PRKG1: variants seen among roughly 807,000 people sequenced by gnomAD.
PRKG1 encodes protein kinase cGMP-dependent 1.
Under a neutral mutation model 88.1 loss-of-function variants are expected in PRKG1, and 35 were observed. That is an observed-to-expected ratio of 0.40 (90% CI 0.30 to 0.53). PRKG1 has a LOEUF of 0.53. Ranked by LOEUF, PRKG1 falls within the 20% of genes least tolerant of loss-of-function variation. The probability of loss-of-function intolerance (pLI) is 0.59; values close to 1 mark genes in which losing one functional copy is unlikely to be tolerated. For synonymous variants in PRKG1, 303 were observed against 292.5 expected (o/e 1.04, Z -0.37); for missense variants, 540 against 839.8 (o/e 0.64, Z 4.41).
intron 5 of PRKG1, among the ~76,000 whole-genome samples, chr10:51,930,146 A>C (rs1036706760): frequency 2.0e-5 from 3 of 152,202 alleles, no homozygotes; most frequent in Non-Finnish European, 2.9e-5. Context: ...CTGGTTACTA[A>C]AACTGTATGA....
At chr10:51,673,096 A>G (rs1840624923) in intron 3 of PRKG1, among the ~76,000 whole-genome samples, 1 of 152,000 alleles carries the variant, frequency 6.6e-6, no homozygotes. Flanking sequence ...CATGTTTACT[A>G]CTCTAGTTTT....
chr10:51,003,941 C>T (rs1842915055), intron 1 of PRKG1, among the ~76,000 whole-genome samples: 1 of 152,056 alleles, frequency 6.6e-6, no homozygotes, highest in African/African-American at 2.4e-5. Context: ...TATTCATGTA[C>T]CTCAGCTTAT....
intron 5 of PRKG1, among the ~76,000 whole-genome samples, chr10:52,029,670 G>A (rs903696664): frequency 6.6e-6 from 1 of 152,126 alleles, no homozygotes; most frequent in Admixed American, 6.6e-5. Context: ...AATTAATACT[G>A]GTCCCAGCTC....
chr10:51,760,871 G>T lies in PRKG1; in HGVS notation c.593-43714G>T, dbSNP rs141555853. 2.6e-3 allele frequency among the ~76,000 whole-genome samples: 402 copies of T among 152,202 alleles called. 2 individuals are homozygous for T. The highest frequency in any genetic ancestry group is 6.8e-3 in the Middle Eastern group (2 of 294). On this transcript the variant is annotated intron_variant, in intron 3 of 17. Transcript: ENST00000373980. ...GGCTGATGCCTGTAATCTTAGCACCGCGGGAGGCTGAAGCGGGTGGATCAC... is the reference window on the plus strand; with the variant it reads ...GGCTGATGCCTGTAATCTTAGCACCTCGGGAGGCTGAAGCGGGTGGATCAC...
intron 9 of PRKG1, among the ~76,000 whole-genome samples, chr10:52,166,111 A>T (rs1181620569): frequency 6.6e-6 from 1 of 152,232 alleles, no homozygotes; most frequent in Non-Finnish European, 1.5e-5. Context: ...TCACAAAGAC[A>T]TTAGAAGAGG....
At chr10:51,221,571 G>T (rs1354307860) in intron 2 of PRKG1, among the ~76,000 whole-genome samples, 4 of 148,380 alleles carry the variant, frequency 2.7e-5, no homozygotes, top group Non-Finnish European at 5.9e-5. Context: ...GTTTACAACA[G>T]CAGCCACCAT....
At chr10:52,060,437 A>G (rs1564451621) in intron 6 of PRKG1, among the ~76,000 whole-genome samples, 1 of 151,940 alleles carries the variant, frequency 6.6e-6, no homozygotes, top group Non-Finnish European at 1.5e-5. Flanking sequence ...AGGACACCAT[A>G]AAGATGATTT....
chr10:51,117,254 G>C (rs1331235262), intron 1 of PRKG1, among the ~76,000 whole-genome samples: 1 of 152,074 alleles, frequency 6.6e-6, no homozygotes, highest in Non-Finnish European at 1.5e-5. Context: ...TTTTGCCATG[G>C]GTCCCATAAT....
intron 5 of PRKG1, among the ~76,000 whole-genome samples, chr10:52,019,039 G>A (rs1845115348): frequency 6.6e-6 from 1 of 152,160 alleles, no homozygotes; most frequent in African/African-American, 2.4e-5. Context: ...TTGACATCTG[G>A]TGAGGGCCTC....
At chr10:52,189,204 G>A (rs766066782) in intron 9 of PRKG1, among the ~76,000 whole-genome samples, 27 of 152,162 alleles carry the variant, frequency 1.8e-4, no homozygotes, top group Non-Finnish European at 3.1e-4. Flanking sequence ...AGTATCTATC[G>A]ATTCTGTTAC....
intron 3 of PRKG1, among the ~76,000 whole-genome samples, chr10:51,604,519 GCTCT>G (rs1185582101): frequency 3.9e-5 from 6 of 152,094 alleles, no homozygotes; most frequent in Non-Finnish European, 7.3e-5. Context: ...CACATCATGG[GCTCT>G]CGCCACACAG....
chr10:51,100,255 C>T (rs1564599946), intron 1 of PRKG1, among the ~76,000 whole-genome samples: 1 of 151,958 alleles, frequency 6.6e-6, no homozygotes, highest in African/African-American at 2.4e-5. Context: ...AATAGGGAGG[C>T]CTTAGGAAGG....
chr10:51,311,779 CACTTGGAT>C (rs1564441697), intron 2 of PRKG1, among the ~76,000 whole-genome samples: 1 of 152,168 alleles, frequency 6.6e-6, no homozygotes, highest in Non-Finnish European at 1.5e-5. Context: ...CGTAGCTAAA[CACTTGGAT>C]TCCATCAGAG....
At chr10:51,219,846 T>C (rs1178343445) in intron 2 of PRKG1, among the ~76,000 whole-genome samples, 1 of 152,110 alleles carries the variant, frequency 6.6e-6, no homozygotes, top group East Asian at 1.9e-4. Context: ...TGGTGAAATT[T>C]GAGTTAGATT....
intron 2 of PRKG1, among the ~76,000 whole-genome samples, chr10:51,229,526 A>G (rs1838779128): frequency 6.6e-6 from 1 of 152,066 alleles, no homozygotes; most frequent in Non-Finnish European, 1.5e-5. Flanking sequence ...TCAGATCCTC[A>G]CTCTACAAGT....
chr10:51,912,777 C>G (rs1206082508), intron 5 of PRKG1, among the ~76,000 whole-genome samples: 3 of 152,014 alleles, frequency 2.0e-5, no homozygotes, highest in South Asian at 2.1e-4. Flanking sequence ...CCCCAGCCCC[C>G]ACCTACCCCC....
At chr10:52,002,379 G>A (rs1031713117) in intron 5 of PRKG1, among the ~76,000 whole-genome samples, 1 of 152,048 alleles carries the variant, frequency 6.6e-6, no homozygotes, top group Non-Finnish European at 1.5e-5. Context: ...TCAGAGTTTG[G>A]TTAATGCTTT....
chr10:51,783,608 C>A (rs1366784805), intron 3 of PRKG1, among the ~76,000 whole-genome samples: 4 of 151,990 alleles, frequency 2.6e-5, no homozygotes, highest in Non-Finnish European at 5.9e-5. Flanking sequence ...AATGTGAATC[C>A]TGGACAAGCA....
intron 3 of PRKG1, among the ~76,000 whole-genome samples, chr10:51,753,668 T>A (rs1837784666): frequency 6.6e-6 from 1 of 152,214 alleles, no homozygotes; most frequent in Non-Finnish European, 1.5e-5. Context: ...TGTTTGCTGA[T>A]AGCTTTAACA....
Sources: gnomAD v4.1 joint callset for allele counts (sites outside exome capture counted in the v4.1 genomes callset) on GRCh38, gnomAD v4.1.1 for gene constraint, MANE v1.5 for transcripts, NCBI Gene and HGNC (gene_info 2026-07-23, HGNC 2026-07-21) for gene names.